Variants in MARCHF1 observed in about 807,000 individuals in gnomAD.
The protein encoded by MARCHF1 is membrane associated ring-CH-type finger 1.
Under a neutral mutation model 54.2 loss-of-function variants are expected in MARCHF1, and 40 were observed. That is an observed-to-expected ratio of 0.74 (90% CI 0.57 to 0.96). The LOEUF is 0.96. Among genes scored for constraint, MARCHF1 ranks in the 40% least tolerant of loss-of-function variants. The probability of loss-of-function intolerance (pLI) is 0.00; values close to 1 mark genes in which losing one functional copy is unlikely to be tolerated. For missense variants in MARCHF1, 586 were observed against 656.5 expected (o/e 0.89, Z 1.17); for synonymous variants, 236 against 236.3 (o/e 1.00, Z 0.01).
intron 1 of MARCHF1, among the ~76,000 whole-genome samples, chr4:164,225,541 G>A (rs1420420815): frequency 6.6e-6 from 1 of 151,900 alleles, no homozygotes; most frequent in East Asian, 1.9e-4. Context: ...ATTCCTTTTA[G>A]GTCATCCTAC....
intron 3 of MARCHF1, among the ~76,000 whole-genome samples, chr4:163,894,139 T>C (rs1750723771): frequency 1.3e-5 from 2 of 152,134 alleles, no homozygotes; most frequent in African/African-American, 4.8e-5. Flanking sequence ...CAGAGTAATA[T>C]TATTTCGTAT....
At chr4:163,765,301 C>T (rs1188980386) in intron 4 of MARCHF1, among the ~76,000 whole-genome samples, 1 of 152,118 alleles carries the variant, frequency 6.6e-6, no homozygotes, top group Non-Finnish European at 1.5e-5. Flanking sequence ...ATTGAGAGTA[C>T]AGTCTTCTGA....
chr4:163,932,980 T>C, intron 3 of MARCHF1: 1 of 833,082 alleles, frequency 1.2e-6, no homozygotes, highest in Non-Finnish European at 2.0e-6. Flanking sequence ...GCATTTGATA[T>C]AAGCAAGAAA....
At chr4:163,748,406 C>CA (rs11315071) in intron 4 of MARCHF1, among the ~76,000 whole-genome samples, 4,105 of 128,140 alleles carry the variant, frequency 0.032, 145 homozygotes, top group African/African-American at 0.097. Context: ...TAATTTCTAC[C>CA]AAAAAAAAAA....
intron 3 of MARCHF1, among the ~76,000 whole-genome samples, chr4:163,876,288 C>T (rs1750287976): frequency 6.6e-6 from 1 of 152,102 alleles, no homozygotes. Context: ...GTTCTGTCAT[C>T]TAAAACTTCC....
At chr4:164,310,264 G>T (rs960620021) in intron 1 of MARCHF1, among the ~76,000 whole-genome samples, 2 of 151,854 alleles carry the variant, frequency 1.3e-5, no homozygotes, top group Non-Finnish European at 2.9e-5. Context: ...TTTTAGTAGA[G>T]ACAGGGTTTC....
intron 4 of MARCHF1, among the ~76,000 whole-genome samples, chr4:163,837,995 T>C (rs1157859330): frequency 6.6e-6 from 1 of 152,132 alleles, no homozygotes; most frequent in Non-Finnish European, 1.5e-5. Context: ...AGAAATATCT[T>C]TCTAAGATGG....
intron 1 of MARCHF1, among the ~76,000 whole-genome samples, chr4:164,131,917 G>A (rs925256636): frequency 6.6e-6 from 1 of 152,060 alleles, no homozygotes; most frequent in African/African-American, 2.4e-5. Flanking sequence ...GAAATGCATT[G>A]ACATACTAGT....
At position 163,703,403 on chromosome 4, in the gene MARCHF1, G is replaced by A. The variant is rs150389882; in HGVS notation, c.112-2540C>T. 1.5e-3 allele frequency among the ~76,000 whole-genome samples: 228 copies of A among 152,184 alleles called. 1 individual carries two copies. The highest frequency in any genetic ancestry group is 0.011 in the East Asian group (56 of 5,174). On this transcript the variant is annotated intron_variant, in intron 4 of 9. Coordinates refer to ENST00000514618, the MANE Select transcript of MARCHF1 (RefSeq NM_001394959.1). Reference sequence around the variant, plus strand: ...AGAAACATTTCCTCTCTTGGAAAACGTCCAAAGCAATCTGTCCAATTTGCT... The same window carrying A: ...AGAAACATTTCCTCTCTTGGAAAACATCCAAAGCAATCTGTCCAATTTGCT...
chr4:163,890,695 A>G (rs929133593), intron 3 of MARCHF1, among the ~76,000 whole-genome samples: 1 of 152,078 alleles, frequency 6.6e-6, no homozygotes, highest in African/African-American at 2.4e-5. Context: ...GAGTATTTAC[A>G]TTATATATTT....
chr4:164,299,253 T>TA (rs1173308375), intron 1 of MARCHF1, among the ~76,000 whole-genome samples: 1 of 152,132 alleles, frequency 6.6e-6, no homozygotes, highest in African/African-American at 2.4e-5. Flanking sequence ...CTCCTAGACT[T>TA]AATCTCTTAA....
chr4:163,796,943 C>T (rs537535519), intron 4 of MARCHF1, among the ~76,000 whole-genome samples: 25 of 152,238 alleles, frequency 1.6e-4, no homozygotes, highest in Admixed American at 6.5e-4. Context: ...TTCTTAACCC[C>T]ACAAAATAAG....
At chr4:163,895,732 T>C (rs562439158) in intron 3 of MARCHF1, among the ~76,000 whole-genome samples, 21 of 152,274 alleles carry the variant, frequency 1.4e-4, no homozygotes, top group African/African-American at 5.1e-4. Context: ...TTGCTCTTAA[T>C]CTTCTGATTT....
chr4:164,223,902 T>G (rs752190415), intron 1 of MARCHF1, among the ~76,000 whole-genome samples: 7 of 150,302 alleles, frequency 4.7e-5, no homozygotes, highest in Non-Finnish European at 8.9e-5. Context: ...TTAAATTAAT[T>G]TGTGCAATTG....
chr4:163,718,354 G>T (rs1190291862), intron 4 of MARCHF1, among the ~76,000 whole-genome samples: 1 of 152,184 alleles, frequency 6.6e-6, no homozygotes, highest in Non-Finnish European at 1.5e-5. Context: ...ACTACCATCA[G>T]AGTGAACAGG....
chr4:163,801,105 T>C (rs1748069732), intron 4 of MARCHF1, among the ~76,000 whole-genome samples: 1 of 152,060 alleles, frequency 6.6e-6, no homozygotes, highest in South Asian at 2.1e-4. Flanking sequence ...TTTTGGCAAT[T>C]CTTAAAGAAT....
chr4:163,810,382 T>C (rs1452841492), intron 4 of MARCHF1, among the ~76,000 whole-genome samples: 1 of 152,252 alleles, frequency 6.6e-6, no homozygotes, highest in African/African-American at 2.4e-5. Context: ...TTTCCCATGA[T>C]GTTTGTTTTT....
intron 1 of MARCHF1, among the ~76,000 whole-genome samples, chr4:164,348,230 C>T (rs868161872): frequency 1.3e-5 from 2 of 151,966 alleles, no homozygotes; most frequent in South Asian, 4.1e-4. Flanking sequence ...ATGGAGTTCA[C>T]TCAGCAGCCC....
intron 1 of MARCHF1, among the ~76,000 whole-genome samples, chr4:164,171,515 T>G (rs13434572): frequency 0.19 from 29,022 of 152,094 alleles, 4,414 homozygotes; most frequent in African/African-American, 0.41. Flanking sequence ...AAGATTATAG[T>G]AATGATTCTC....
Sources: allele counts gnomAD v4.1 joint callset (sites outside exome capture counted in the v4.1 genomes callset), GRCh38; gene constraint gnomAD v4.1.1; transcripts MANE v1.5; gene names NCBI Gene and HGNC (gene_info 2026-07-23, HGNC 2026-07-21).